GPR149: variants seen among roughly 807,000 people sequenced by gnomAD.
GPR149 encodes G protein-coupled receptor 149.
A neutral mutation model predicts 50.2 loss-of-function variants in GPR149; 50 were observed. That is an observed-to-expected ratio of 1.00 (90% CI 0.79 to 1.26). The LOEUF is 1.26. GPR149 is among the 50% of genes most tolerant of loss of function. GPR149 has a pLI of 0.00. For synonymous variants in GPR149, 405 were observed against 358.2 expected (o/e 1.13, Z -1.48); for missense variants, 983 against 895.4 (o/e 1.10, Z -1.25).
At chr3:154,358,460 T>A (rs1233665151) in intron 3 of GPR149, among the ~76,000 whole-genome samples, 1 of 152,090 alleles carries the variant, frequency 6.6e-6, no homozygotes, top group African/African-American at 2.4e-5. Flanking sequence ...TAAAAAAAAT[T>A]AAAATCACCA....
intron 3 of GPR149, among the ~76,000 whole-genome samples, chr3:154,413,598 A>G (rs567224201): frequency 2.0e-5 from 3 of 152,044 alleles, no homozygotes; most frequent in Admixed American, 6.6e-5. Flanking sequence ...CTAAATCACA[A>G]TGCAATGCCA....
At chr3:154,346,843 C>T (rs1306339995) in intron 3 of GPR149, among the ~76,000 whole-genome samples, 4 of 152,106 alleles carry the variant, frequency 2.6e-5, no homozygotes, top group Non-Finnish European at 5.9e-5. Flanking sequence ...GTAATCTGCT[C>T]GCCTTGGCCT....
intron 3 of GPR149, among the ~76,000 whole-genome samples, chr3:154,347,934 G>C (rs968379282): frequency 3.3e-5 from 5 of 152,236 alleles, no homozygotes; most frequent in Admixed American, 3.3e-4. Flanking sequence ...TGAGGCTGTG[G>C]AGGGTAGTGG....
chr3:154,361,419 G>A (rs1232811707), intron 3 of GPR149, among the ~76,000 whole-genome samples: 5 of 152,132 alleles, frequency 3.3e-5, no homozygotes, highest in Non-Finnish European at 7.4e-5. Context: ...AAATCTAGAT[G>A]TTTCTTTGTA....
intron 3 of GPR149, among the ~76,000 whole-genome samples, chr3:154,364,322 C>T (rs1169053904): frequency 1.3e-5 from 2 of 152,208 alleles, no homozygotes; most frequent in African/African-American, 4.8e-5. Context: ...TAGCATTCCA[C>T]TCTTGGATCC....
In GPR149 at chr3:154,419,401, T is replaced by C. The variant is rs147680025; in HGVS notation, c.1623+1638A>G. On this transcript the variant is annotated intron_variant, in intron 3 of 3. Coordinates refer to ENST00000389740, the MANE Select transcript of GPR149 (RefSeq NM_001038705.3). ...AAGGCTTTTAAATGAGGATGTTAAGTTGTGGTATTTTAGATAATAATTTCC... is the reference window on the plus strand; with the variant it reads ...AAGGCTTTTAAATGAGGATGTTAAGCTGTGGTATTTTAGATAATAATTTCC... 2.5e-4 allele frequency among the ~76,000 whole-genome samples: 38 copies of C among 152,142 alleles called. No individual in the cohort carries two copies. The East Asian group carries it at 6.9e-3, about 28-fold the overall frequency.
At chr3:154,412,356 G>A (rs1449277231) in intron 3 of GPR149, among the ~76,000 whole-genome samples, 1 of 151,966 alleles carries the variant, frequency 6.6e-6, no homozygotes, top group Non-Finnish European at 1.5e-5. Context: ...AATCAGACAA[G>A]AGAAAGGAAA....
chr3:154,357,158 T>A (rs1714255166), intron 3 of GPR149, among the ~76,000 whole-genome samples: 1 of 152,164 alleles, frequency 6.6e-6, no homozygotes, highest in Non-Finnish European at 1.5e-5. Flanking sequence ...GATCCCTTCC[T>A]TACACCTTAT....
intron 2 of GPR149, among the ~76,000 whole-genome samples, chr3:154,426,550 C>T (rs1259817296): frequency 6.6e-6 from 1 of 152,186 alleles, no homozygotes; most frequent in African/African-American, 2.4e-5. Flanking sequence ...AATGCATTCT[C>T]AGATTAATTA....
At chr3:154,402,738 G>A (rs1449050680) in intron 3 of GPR149, among the ~76,000 whole-genome samples, 2 of 85,126 alleles carry the variant, frequency 2.3e-5, no homozygotes, top group Non-Finnish European at 5.2e-5. Flanking sequence ...TCTATATCCT[G>A]TACACTTTTT....
intron 3 of GPR149, among the ~76,000 whole-genome samples, chr3:154,365,097 T>C (rs1373150532): frequency 6.6e-6 from 1 of 152,198 alleles, no homozygotes; most frequent in African/African-American, 2.4e-5. Flanking sequence ...AGTCATCCTT[T>C]GAAATCTAGG....
At chr3:154,395,734 T>A (rs1259699525) in intron 3 of GPR149, among the ~76,000 whole-genome samples, 1 of 152,094 alleles carries the variant, frequency 6.6e-6, no homozygotes, top group Non-Finnish European at 1.5e-5. Flanking sequence ...GTTGGAGGCT[T>A]CAGTGAGCTA....
intron 3 of GPR149, among the ~76,000 whole-genome samples, chr3:154,393,557 A>G (rs1163302585): frequency 6.6e-6 from 1 of 152,022 alleles, no homozygotes; most frequent in Non-Finnish European, 1.5e-5. Flanking sequence ...TTTATTCAGC[A>G]TAGTAGAGAA....
chr3:154,400,158 C>T (rs9868413), intron 3 of GPR149, among the ~76,000 whole-genome samples: 36,323 of 150,922 alleles, frequency 0.24, 4,648 homozygotes, highest in South Asian at 0.32. Context: ...GGCTAATTTT[C>T]TGTATTTTTA....
chr3:154,365,727 G>C (rs1317802823), intron 3 of GPR149, among the ~76,000 whole-genome samples: 1 of 152,084 alleles, frequency 6.6e-6, no homozygotes, highest in East Asian at 1.9e-4. Context: ...CATAATTCAG[G>C]CAGTTCTTTG....
At chr3:154,370,630 G>A (rs535325633) in intron 3 of GPR149, among the ~76,000 whole-genome samples, 1 of 152,176 alleles carries the variant, frequency 6.6e-6, no homozygotes, top group East Asian at 1.9e-4. Context: ...AATGTGCCTG[G>A]GGCAAGTGCC....
At chr3:154,382,218 A>G (rs1024281268) in intron 3 of GPR149, among the ~76,000 whole-genome samples, 4 of 152,174 alleles carry the variant, frequency 2.6e-5, no homozygotes, top group African/African-American at 9.7e-5. Context: ...TGAGCAGGAG[A>G]TTGGAAGAGG....
intron 3 of GPR149, among the ~76,000 whole-genome samples, chr3:154,392,304 C>A (rs1715189149): frequency 6.6e-6 from 1 of 151,608 alleles, no homozygotes; most frequent in African/African-American, 2.4e-5. Flanking sequence ...ACACCTTGAA[C>A]AACTAATGGG....
At chr3:154,383,374 T>A (rs1714975091) in intron 3 of GPR149, among the ~76,000 whole-genome samples, 2 of 152,210 alleles carry the variant, frequency 1.3e-5, no homozygotes. Context: ...TGATTCAAGT[T>A]AGGTTTGGCT....
Sources: gnomAD v4.1 joint callset for allele counts (sites outside exome capture counted in the v4.1 genomes callset) on GRCh38, gnomAD v4.1.1 for gene constraint, MANE v1.5 for transcripts, NCBI Gene and HGNC (gene_info 2026-07-23, HGNC 2026-07-21) for gene names.